Variants in PDE1C observed in about 807,000 individuals in gnomAD.
PDE1C encodes dual specificity calcium/calmodulin-dependent 3',5'-cyclic nucleotide phosphodiesterase 1C.
A neutral mutation model predicts 93.1 loss-of-function variants in PDE1C; 62 were observed. That is an observed-to-expected ratio of 0.67 (90% CI 0.54 to 0.82). The LOEUF is 0.82. Among genes scored for constraint, PDE1C ranks in the 40% least tolerant of loss-of-function variants. PDE1C has a pLI of 0.00. For synonymous variants in PDE1C, 325 were observed against 310.1 expected, an observed-to-expected ratio of 1.05 and a Z score of -0.50; for missense variants, 742 against 884.6, an observed-to-expected ratio of 0.84 and a Z score of 2.04.
At chr7:31,892,257 G>C (rs1157614036) in intron 2 of PDE1C, among the ~76,000 whole-genome samples, 2 of 152,120 alleles carry the variant, frequency 1.3e-5, no homozygotes, top group African/African-American at 2.4e-5. Context: ...GATGACTTTG[G>C]AGAGCATCCA....
intron 1 of PDE1C, among the ~76,000 whole-genome samples, chr7:32,359,737 T>C (rs1387378483): frequency 6.6e-6 from 1 of 152,246 alleles, no homozygotes; most frequent in African/African-American, 2.4e-5. Context: ...TTGTGGTCTC[T>C]TCTACTCCAT....
chr7:32,338,289 C>T (rs1216103996), intron 1 of PDE1C, among the ~76,000 whole-genome samples: 3 of 151,948 alleles, frequency 2.0e-5, no homozygotes, highest in African/African-American at 4.8e-5. Context: ...AAAAACAACC[C>T]GATTTAAAAA....
intron 3 of PDE1C, among the ~76,000 whole-genome samples, chr7:32,110,391 A>G (rs62458867): frequency 0.2 from 30,863 of 152,112 alleles, 3,792 homozygotes; most frequent in Middle Eastern, 0.31. Context: ...AGCACAGGAA[A>G]GACCCACCCC....
chr7:32,401,302 G>A (rs1473717294), intron 1 of PDE1C, among the ~76,000 whole-genome samples: 1 of 152,162 alleles, frequency 6.6e-6, no homozygotes, highest in African/African-American at 2.4e-5. Context: ...ACTTTGGGAG[G>A]CCGAGGCGGG....
chr7:32,408,712 C>T (rs1311749892), intron 1 of PDE1C, among the ~76,000 whole-genome samples: 1 of 152,020 alleles, frequency 6.6e-6, no homozygotes, highest in Non-Finnish European at 1.5e-5. Context: ...TCGCTTGAAC[C>T]CAGGAGGCGA....
At chr7:31,681,441 A>G in the PDE1C span, among the ~76,000 whole-genome samples, 1 of 151,840 alleles carries the variant, frequency 6.6e-6, no homozygotes, top group African/African-American at 2.4e-5. Context: ...ATCTTCCTAG[A>G]TTATCTTTTT....
chr7:32,274,477 C>T (rs6462348), intron 1 of PDE1C, among the ~76,000 whole-genome samples: 38 of 151,276 alleles, frequency 2.5e-4, no homozygotes, highest in Middle Eastern at 6.8e-3. Context: ...CAAAATGCTG[C>T]GATTACAAGT....
intron 2 of PDE1C, among the ~76,000 whole-genome samples, chr7:31,964,933 C>T (rs929052875): frequency 6.6e-6 from 1 of 152,228 alleles, no homozygotes; most frequent in East Asian, 1.9e-4. Context: ...ACAGAAAGGA[C>T]ATCCACACCA....
chr7:32,172,531 G>C (rs1373694381), intron 2 of PDE1C, among the ~76,000 whole-genome samples: 2 of 152,220 alleles, frequency 1.3e-5, no homozygotes, highest in East Asian at 3.9e-4. Flanking sequence ...TTATTAAAAA[G>C]TCAAGAAGCA....
At position 31,946,465 on chromosome 7, in the gene PDE1C, G is replaced by A. The variant is rs1238808304; in HGVS notation, c.129-65605C>T. Among the ~76,000 whole-genome samples the A allele has an allele frequency of 3.9e-5, 6 of 152,228 alleles. No homozygotes were observed. In the South Asian group the frequency reaches 8.3e-4, roughly 21 times the overall value. On this transcript the variant is annotated intron_variant, in intron 2 of 17. Coordinates refer to ENST00000396191, the MANE Select transcript of PDE1C (RefSeq NM_001191057.4). ...CCTCTGGAATGTGTCTAGACTTACT[G>A]GCTCCTTGCTTCTAGCATTCCCAGG...
intron 1 of PDE1C, among the ~76,000 whole-genome samples, chr7:32,308,569 T>G (rs1313456137): frequency 6.6e-6 from 1 of 152,208 alleles, no homozygotes; most frequent in East Asian, 1.9e-4. Flanking sequence ...GCATTTGCGG[T>G]TCACCAAGAT....
chr7:31,642,198 T>C, the PDE1C span: 27 of 1,561,226 alleles, frequency 1.7e-5, no homozygotes, highest in Non-Finnish European at 2.3e-5. Flanking sequence ...ACAGAGCAAA[T>C]AGCTGCCAGT....
chr7:32,360,687 G>C (rs549928349), intron 1 of PDE1C, among the ~76,000 whole-genome samples: 1 of 152,304 alleles, frequency 6.6e-6, no homozygotes, highest in South Asian at 2.1e-4. Context: ...TTACAAACAA[G>C]GGGCCCTGCA....
At chr7:31,628,955 A>T in the PDE1C span, among the ~76,000 whole-genome samples, 1 of 152,220 alleles carries the variant, frequency 6.6e-6, no homozygotes, top group Non-Finnish European at 1.5e-5. Context: ...AAAACAAAAA[A>T]ACATTTGGAC....
chr7:32,240,692 G>C (rs1808482327), intron 1 of PDE1C, among the ~76,000 whole-genome samples: 1 of 152,104 alleles, frequency 6.6e-6, no homozygotes, highest in Admixed American at 6.5e-5. Context: ...AGACAAGATG[G>C]GGTCCTCCAG....
chr7:31,865,916 T>C (rs1408582487), intron 6 of PDE1C, among the ~76,000 whole-genome samples: 1 of 152,234 alleles, frequency 6.6e-6, no homozygotes. Context: ...TGTATTCATT[T>C]ATTTCTCAAC....
chr7:32,171,497 CTTATTA>C (rs1016079910), intron 2 of PDE1C, among the ~76,000 whole-genome samples: 1 of 147,918 alleles, frequency 6.8e-6, no homozygotes, highest in South Asian at 2.1e-4. Context: ...TATTATTTTA[CTTATTA>C]TTATTAAAAT....
chr7:32,419,205 A>G (rs435714), intron 1 of PDE1C, among the ~76,000 whole-genome samples: 114,818 of 152,182 alleles, frequency 0.75, 43,450 homozygotes, highest in Non-Finnish European at 0.77. Context: ...AAGAAAATAC[A>G]GGGGAACAAA....
At chr7:31,852,032 G>A (rs536448542) in intron 7 of PDE1C, among the ~76,000 whole-genome samples, 1 of 152,306 alleles carries the variant, frequency 6.6e-6, no homozygotes, top group South Asian at 2.1e-4. Flanking sequence ...CTGAATTAAA[G>A]ATCAGTGCAT....
Sources: gnomAD v4.1 joint callset for allele counts (sites outside exome capture counted in the v4.1 genomes callset) on GRCh38, gnomAD v4.1.1 for gene constraint, MANE v1.5 for transcripts, NCBI Gene and HGNC (gene_info 2026-07-23, HGNC 2026-07-21) for gene names.